TNFAIP8: variants seen among roughly 807,000 people sequenced by gnomAD.
TNFAIP8 encodes the protein TNF alpha induced protein 8.
In TNFAIP8, 7 loss-of-function variants were observed where a neutral mutation model predicts 13.3. That is an observed-to-expected ratio of 0.52 (90% CI 0.30 to 0.99). TNFAIP8 has a LOEUF of 0.99. Ranked by LOEUF, TNFAIP8 falls within the 50% of genes least tolerant of loss-of-function variation. The pLI, the probability that TNFAIP8 is intolerant of heterozygous loss-of-function variation, is 0.07. For missense variants in TNFAIP8, 258 were observed against 236.9 expected (o/e 1.09, Z -0.58); for synonymous variants, 94 against 87.6 (o/e 1.07, Z -0.41).
At position 119,393,964 on chromosome 5, in the gene TNFAIP8, G is replaced by GAACT. The variant is rs1303158292; in HGVS notation, c.*585_*588dup. The GAACT allele has an allele frequency of 3.3e-5, 5 of 153,222 alleles. No homozygotes were observed. Among genetic ancestry groups the GAACT allele is most frequent in the Admixed American group, 3.2e-4 (5 of 15,468 alleles). The allele number at this position is 153,222 out of a possible 1,614,324, so 9.5% of individuals were successfully genotyped here. ...TATCTGAAATCAGTACTGTGGAAAT[G>GAACT]AACTATATTAGCTATTATGAATAAT... On this transcript the variant is annotated 3_prime_UTR_variant, in exon 2 of 2. Transcript: ENST00000504771.
intron 1 of TNFAIP8, among the ~76,000 whole-genome samples, chr5:119,296,403 G>C (rs1258800566): frequency 6.6e-6 from 1 of 151,794 alleles, no homozygotes; most frequent in African/African-American, 2.4e-5. Flanking sequence ...TTTGTCTTTG[G>C]TTCTGTTTAT....
At chr5:119,300,312 A>C in intron 1 of TNFAIP8, among the ~76,000 whole-genome samples, 1 of 152,232 alleles carries the variant, frequency 6.6e-6, no homozygotes, top group Non-Finnish European at 1.5e-5. Context: ...TCACATCCTC[A>C]GAAAGAAGGT....
intron 1 of TNFAIP8, among the ~76,000 whole-genome samples, chr5:119,340,374 G>A (rs752799355): frequency 6.6e-6 from 1 of 152,180 alleles, no homozygotes; most frequent in Non-Finnish European, 1.5e-5. Context: ...AGGAACATTG[G>A]GCTAGGCTGC....
chr5:119,291,748 A>G (rs1241013412), intron 1 of TNFAIP8, among the ~76,000 whole-genome samples: 3 of 152,146 alleles, frequency 2.0e-5, no homozygotes, highest in Non-Finnish European at 4.4e-5. Context: ...TTGTCCTTGT[A>G]TTTTCGTTGC....
At chr5:119,349,186 T>C (rs1190273677) in intron 1 of TNFAIP8, among the ~76,000 whole-genome samples, 2 of 152,200 alleles carry the variant, frequency 1.3e-5, no homozygotes, top group African/African-American at 2.4e-5. Flanking sequence ...ACCACACACA[T>C]TAAATTGCCA....
chr5:119,331,004 G>A (rs1360296286), intron 1 of TNFAIP8, among the ~76,000 whole-genome samples: 1 of 151,952 alleles, frequency 6.6e-6, no homozygotes. Context: ...TTGCTTTCAC[G>A]AAGCTAGGCC....
chr5:119,308,754 C>T (rs905014929), intron 1 of TNFAIP8, among the ~76,000 whole-genome samples: 7 of 149,282 alleles, frequency 4.7e-5, no homozygotes, highest in Admixed American at 2.0e-4. Context: ...CCCAGCTACT[C>T]GGGAGGCTGA....
chr5:119,346,581 T>C (rs1750908609), intron 1 of TNFAIP8, among the ~76,000 whole-genome samples: 1 of 152,228 alleles, frequency 6.6e-6, no homozygotes, highest in Non-Finnish European at 1.5e-5. Flanking sequence ...CCCAATACCC[T>C]AATTTCCTGT....
intron 1 of TNFAIP8, among the ~76,000 whole-genome samples, chr5:119,369,635 A>G (rs1322357534): frequency 6.6e-6 from 1 of 152,194 alleles, no homozygotes; most frequent in Admixed American, 6.5e-5. Flanking sequence ...CTCTGGCCTC[A>G]TTGTTTGGTT....
intron 1 of TNFAIP8, among the ~76,000 whole-genome samples, chr5:119,327,454 G>T (rs1046951029): frequency 1.4e-4 from 22 of 151,986 alleles, no homozygotes; most frequent in Admixed American, 1.3e-3. Context: ...ATTGTTTTGG[G>T]TTTTTTTGTT....
chr5:119,366,298 T>C (rs2112801015), intron 1 of TNFAIP8, among the ~76,000 whole-genome samples: 1 of 152,210 alleles, frequency 6.6e-6, no homozygotes, highest in East Asian at 1.9e-4. Context: ...GGTGCTGGTG[T>C]CCAAAGCACT....
At chr5:119,292,527 A>C (rs1306524776) in intron 1 of TNFAIP8, among the ~76,000 whole-genome samples, 1 of 151,022 alleles carries the variant, frequency 6.6e-6, no homozygotes, top group Admixed American at 6.6e-5. Flanking sequence ...ACCCCAAAAA[A>C]TGAAAACATG....
chr5:119,296,486 T>A (rs368921841), intron 1 of TNFAIP8, among the ~76,000 whole-genome samples: 8 of 152,282 alleles, frequency 5.3e-5, no homozygotes, highest in Middle Eastern at 3.4e-3. Flanking sequence ...CCACTTGATC[T>A]TGGTGGATAA....
rs139140662 is a variant in TNFAIP8, at chr5:119,339,078, C to T, written c.2-53738C>T. Among the ~76,000 whole-genome samples, 7 of 152,178 alleles carry T rather than the reference C, an allele frequency of 4.6e-5. No homozygotes were observed. The East Asian group carries it at 1.2e-3, about 25-fold the overall frequency. On this transcript the variant is annotated intron_variant, in intron 1 of 1. Transcript: ENST00000274456. ...AAAAAAAAAAGGCCCCATTTTCTGC[C>T]TTCTGTGATTGAGCTTCATCCTGAA...
Position 119,397,249 on chromosome 5 carries a change from T to C in TNFAIP8, c.*3868T>C, listed in dbSNP as rs985709816. ...GAATTTTAATTTATCCTTGAGATAC[T>C]TGATGAGTGTATATAAGCAGTTGCA... On this transcript the variant is annotated 3_prime_UTR_variant, in exon 2 of 2. Coordinates refer to ENST00000504771, the MANE Select transcript of TNFAIP8 (RefSeq NM_014350.4). 2 of 152,110 alleles carry C rather than the reference T, an allele frequency of 1.3e-5. No individual in the cohort carries two copies. The highest frequency in any genetic ancestry group is 2.9e-5 in the Non-Finnish European group (2 of 68,030). The allele number at this position is 152,110 out of a possible 1,614,324, so 9.4% of individuals were successfully genotyped here.
At chr5:119,324,930 C>A (rs1397768116) in intron 1 of TNFAIP8, among the ~76,000 whole-genome samples, 1 of 152,042 alleles carries the variant, frequency 6.6e-6, no homozygotes, top group Non-Finnish European at 1.5e-5. Context: ...TCTGCAAGAT[C>A]GGTTTTAAAG....
intron 1 of TNFAIP8, among the ~76,000 whole-genome samples, chr5:119,308,323 A>T (rs1052326447): frequency 4.6e-5 from 7 of 150,680 alleles, no homozygotes; most frequent in African/African-American, 1.7e-4. Flanking sequence ...TTTGTCCCTC[A>T]CATCTGTTTC....
intron 1 of TNFAIP8, among the ~76,000 whole-genome samples, chr5:119,295,561 C>A (rs377199798): frequency 6.6e-6 from 1 of 152,032 alleles, no homozygotes; most frequent in Non-Finnish European, 1.5e-5. Context: ...AGTCAGGTAG[C>A]GTGATGTCTC....
intron 1 of TNFAIP8, among the ~76,000 whole-genome samples, chr5:119,358,326 C>T (rs955597274): frequency 3.9e-5 from 6 of 152,048 alleles, no homozygotes; most frequent in Admixed American, 1.3e-4. Flanking sequence ...TTTGCATATG[C>T]GTGAATGTAG....
Sources: allele counts gnomAD v4.1 joint callset (sites outside exome capture counted in the v4.1 genomes callset), GRCh38; gene constraint gnomAD v4.1.1; transcripts MANE v1.5; gene names NCBI Gene and HGNC (gene_info 2026-07-23, HGNC 2026-07-21).